Variants in GALNTL6 observed in about 807,000 individuals in gnomAD.
GALNTL6 encodes polypeptide N-acetylgalactosaminyltransferase like 6.
GALNTL6 carries 46 observed loss-of-function variants against 73.7 expected under a neutral mutation model. That is an observed-to-expected ratio of 0.62 (90% CI 0.49 to 0.80). GALNTL6 has a LOEUF of 0.80. Ranked by LOEUF, GALNTL6 falls within the 30% of genes least tolerant of loss-of-function variation. GALNTL6 has a pLI of 0.00. For missense variants in GALNTL6, 604 were observed against 755.0 expected (o/e 0.80, Z 2.34); for synonymous variants, 259 against 263.7 (o/e 0.98, Z 0.17).
At chr4:171,913,550 A>C (rs1489879697) in intron 2 of GALNTL6, among the ~76,000 whole-genome samples, 2 of 152,230 alleles carry the variant, frequency 1.3e-5, no homozygotes. Context: ...TTTCTTCAGA[A>C]ATATTCAAAG....
At chr4:172,465,988 C>T (rs1271671595) in intron 5 of GALNTL6, among the ~76,000 whole-genome samples, 2 of 152,080 alleles carry the variant, frequency 1.3e-5, no homozygotes, top group Non-Finnish European at 2.9e-5. Flanking sequence ...CCCAAATTTT[C>T]GAGTGTCTTC....
chr4:172,958,336 C>T (rs747774531), intron 10 of GALNTL6, among the ~76,000 whole-genome samples: 20 of 152,168 alleles, frequency 1.3e-4, no homozygotes, highest in South Asian at 2.1e-4. Flanking sequence ...GTAAGAATTC[C>T]GACTGCACAG....
rs115048821 is a variant in GALNTL6, at chr4:172,720,522, G to A, written c.554-88839G>A. Among the ~76,000 whole-genome samples the A allele has an allele frequency of 5.6e-3, 860 of 152,262 alleles. 7 individuals are homozygous for A. The highest frequency in any genetic ancestry group is 0.02 in the African/African-American group (820 of 41,548). On this transcript the variant is annotated intron_variant, in intron 5 of 12. Transcript: ENST00000506823. ...TCAGTTTTACCCAGCTCCTATTCAA[G>A]ATGGAGTTGCTCTGGTTCACGCATC...
rs577012945 is a variant in GALNTL6, at chr4:172,235,596, T to C, written c.247+5832T>C. On this transcript the variant is annotated intron_variant, in intron 3 of 12. Coordinates refer to ENST00000506823, the MANE Select transcript of GALNTL6 (RefSeq NM_001034845.3). ...TTTTCTCTAATTTTTTTCTAACTTT[T>C]TAAAAATTTTGTTTGCAGTAACTTT... Among the ~76,000 whole-genome samples, 125 of 152,360 alleles carry C rather than the reference T, an allele frequency of 8.2e-4. 1 individual carries two copies. Among genetic ancestry groups the C allele is most frequent in the African/African-American group, 2.9e-3 (121 of 41,582 alleles).
intron 5 of GALNTL6, among the ~76,000 whole-genome samples, chr4:172,449,589 T>C (rs1224107876): frequency 6.6e-6 from 1 of 152,218 alleles, no homozygotes; most frequent in Non-Finnish European, 1.5e-5. Flanking sequence ...TTCTCCAGGT[T>C]CCATAAAAAT....
chr4:172,051,978 C>A (rs1434698124), intron 2 of GALNTL6, among the ~76,000 whole-genome samples: 1 of 152,130 alleles, frequency 6.6e-6, no homozygotes, highest in African/African-American at 2.4e-5. Context: ...CCAGCCTCTC[C>A]CTTATCAGCA....
chr4:172,568,609 T>A (rs1327576601), intron 5 of GALNTL6, among the ~76,000 whole-genome samples: 1 of 150,822 alleles, frequency 6.6e-6, no homozygotes, highest in African/African-American at 2.4e-5. Context: ...ACAAAAAAAA[T>A]TAGCCGGGCG....
At chr4:172,785,087 G>A (rs906067961) in intron 5 of GALNTL6, among the ~76,000 whole-genome samples, 1 of 152,066 alleles carries the variant, frequency 6.6e-6, no homozygotes, top group Non-Finnish European at 1.5e-5. Context: ...AACAGAAAGT[G>A]GTTCTTAGCC....
chr4:172,427,430 A>T (rs1579061809), intron 5 of GALNTL6, among the ~76,000 whole-genome samples: 1 of 152,112 alleles, frequency 6.6e-6, no homozygotes, highest in East Asian at 1.9e-4. Context: ...ACCTCCCACC[A>T]GGTCCTTACC....
intron 2 of GALNTL6, among the ~76,000 whole-genome samples, chr4:172,123,541 C>A (rs971157339): frequency 9.8e-5 from 12 of 123,046 alleles, no homozygotes; most frequent in African/African-American, 3.8e-4. Flanking sequence ...CTCACTCTGT[C>A]GCCAGGCTGG....
intron 5 of GALNTL6, among the ~76,000 whole-genome samples, chr4:172,661,471 G>C (rs1731368957): frequency 6.6e-6 from 1 of 151,962 alleles, no homozygotes. Flanking sequence ...TGAGTAAACT[G>C]ACTACACTGG....
chr4:172,089,564 G>A (rs1446536715), intron 2 of GALNTL6, among the ~76,000 whole-genome samples: 1 of 151,910 alleles, frequency 6.6e-6, no homozygotes, highest in East Asian at 1.9e-4. Context: ...CAATATTGGA[G>A]GAAACTGAAT....
chr4:172,853,378 A>T (rs1743941961), intron 7 of GALNTL6, among the ~76,000 whole-genome samples: 1 of 152,210 alleles, frequency 6.6e-6, no homozygotes. Context: ...CTGAGGTAAC[A>T]TAGTCACATA....
intron 2 of GALNTL6, among the ~76,000 whole-genome samples, chr4:171,931,509 A>G (rs1472259088): frequency 6.6e-6 from 1 of 152,226 alleles, no homozygotes; most frequent in East Asian, 1.9e-4. Flanking sequence ...AACATATGAT[A>G]GTCACTTTCC....
chr4:172,110,890 C>T (rs190683242), intron 2 of GALNTL6, among the ~76,000 whole-genome samples: 6 of 151,942 alleles, frequency 3.9e-5, no homozygotes, highest in South Asian at 2.1e-4. Context: ...GCAGAACCCA[C>T]GGAAGAGAAA....
At chr4:172,940,028 A>AT (rs926825669) in intron 9 of GALNTL6, among the ~76,000 whole-genome samples, 3 of 152,140 alleles carry the variant, frequency 2.0e-5, no homozygotes, top group African/African-American at 4.8e-5. Flanking sequence ...TAAAGCATAG[A>AT]TTTTTTTCAT....
chr4:172,162,371 T>A (rs1479767918), intron 2 of GALNTL6, among the ~76,000 whole-genome samples: 1 of 151,916 alleles, frequency 6.6e-6, no homozygotes, highest in Non-Finnish European at 1.5e-5. Flanking sequence ...TGGACCTTCA[T>A]AGGATGCCAG....
chr4:172,991,526 A>T (rs1751545252), intron 10 of GALNTL6, among the ~76,000 whole-genome samples: 1 of 151,890 alleles, frequency 6.6e-6, no homozygotes, highest in Non-Finnish European at 1.5e-5. Context: ...CAGCCTCCTG[A>T]GTAGCTAAGA....
At chr4:172,593,615 T>G (rs1414289496) in intron 5 of GALNTL6, among the ~76,000 whole-genome samples, 1 of 152,126 alleles carries the variant, frequency 6.6e-6, no homozygotes, top group Non-Finnish European at 1.5e-5. Context: ...TAACCTATGT[T>G]ATCAATCAAA....
Sources: allele counts gnomAD v4.1 joint callset (sites outside exome capture counted in the v4.1 genomes callset), GRCh38; gene constraint gnomAD v4.1.1; transcripts MANE v1.5; gene names NCBI Gene and HGNC (gene_info 2026-07-23, HGNC 2026-07-21).